The following EIF3L variants were observed in gnomAD, a reference collection of about 807,000 sequenced individuals.
EIF3L encodes eukaryotic translation initiation factor 3 subunit L.
Under a neutral mutation model 74.6 loss-of-function variants are expected in EIF3L, and 32 were observed. That is an observed-to-expected ratio of 0.43 (90% CI 0.32 to 0.58). The LOEUF (loss-of-function observed/expected upper bound fraction) is 0.58, where lower values mean the gene tolerates loss of function less well. Among genes scored for constraint, EIF3L ranks in the 20% least tolerant of loss-of-function variants. The pLI, the probability that EIF3L is intolerant of heterozygous loss-of-function variation, is 0.06. For missense variants in EIF3L, 474 were observed against 707.8 expected (o/e 0.67, Z 3.75); for synonymous variants, 256 against 254.4 (o/e 1.01, Z -0.06).
intron 11 of EIF3L, chr22:37,885,767 C>T (rs1286761857): frequency 6.6e-6 from 1 of 151,608 alleles, no homozygotes; most frequent in Non-Finnish European, 1.5e-5. Flanking sequence ...CTACGCCCAG[C>T]TAATTTTTAG....
chr22:37,858,127 G>C (rs1040064250), intron 4 of EIF3L, among the ~76,000 whole-genome samples: 3 of 150,874 alleles, frequency 2.0e-5, no homozygotes, highest in Admixed American at 6.6e-5. Flanking sequence ...AGTGAGCCAT[G>C]ATCATATCAC....
chr22:37,885,311 C>T (rs1190765345), intron 11 of EIF3L: 1 of 152,086 alleles, frequency 6.6e-6, no homozygotes, highest in Non-Finnish European at 1.5e-5. Context: ...TAATTACCAG[C>T]CTAGCTATTC....
rs1925936133 is a variant in EIF3L at position 37,862,917 on chromosome 22, AAC to A, written c.436-48_436-47del. ...AGCTGTCACAGTATACCATGGGTAA[AAC>A]ACATTAAAATTAAATATCTGTATCT... On this transcript the variant is annotated intron_variant, in intron 5 of 12. Coordinates refer to ENST00000652021, the MANE Select transcript of EIF3L (RefSeq NM_016091.4). 4 of 1,403,590 alleles carry A rather than the reference AAC, an allele frequency of 2.8e-6. No homozygotes were observed. In the South Asian group the frequency reaches 4.8e-5, roughly 17 times the overall value. 86.9% of individuals were successfully genotyped at this position (1,403,590 alleles called of 1,614,324 possible).
chr22:37,868,636 T>C (rs1212074553), intron 7 of EIF3L, among the ~76,000 whole-genome samples: 10 of 69,120 alleles, frequency 1.4e-4, no homozygotes, highest in African/African-American at 1.2e-3. Context: ...TTTTGGTGCT[T>C]TTTTTTTTTT....
intron 10 of EIF3L, chr22:37,876,224 G>A: frequency 2.0e-6 from 1 of 512,548 alleles, no homozygotes. Flanking sequence ...CAACCTCCTG[G>A]GATCAGGCGA....
intron 8 of EIF3L, 28 bp downstream of exon 8, chr22:37,870,375 C>G (rs752231052): frequency 3.8e-6 from 6 of 1,558,700 alleles, no homozygotes; most frequent in Non-Finnish European, 5.2e-6. Flanking sequence ...ACAGCCGTGG[C>G]CTGCGAATTT....
chr22:37,888,269 G>A lies in EIF3L; in HGVS notation c.1657-157G>A. On this transcript the variant is annotated intron_variant, in intron 12 of 12. Coordinates refer to ENST00000652021, the MANE Select transcript of EIF3L (RefSeq NM_016091.4). ...GTGAACTGTGCAGGGCCATATGAAT[G>A]TCACGGCTTTGCACACACATAGTGG... 3 of 688,194 alleles carry A rather than the reference G, an allele frequency of 4.4e-6. No homozygotes were observed. The South Asian group carries it at 5.3e-5, about 12-fold the overall frequency. 42.6% of individuals were successfully genotyped at this position (688,194 alleles called of 1,614,324 possible). A position where few individuals can be genotyped will look rare whatever the true frequency, so the allele number is the denominator to read the frequency against.
intron 1 of EIF3L, 177 bp from the exon 2 acceptor site, chr22:37,849,838 A>G (rs184473898): frequency 1.2e-5 from 8 of 675,744 alleles, no homozygotes; most frequent in East Asian, 1.0e-4. Flanking sequence ...GTAATGTTGT[A>G]TTGTCATTGT....
At chr22:37,863,174 A>C in intron 6 of EIF3L, 98 bp from the exon 7 acceptor site, 2 of 1,203,838 alleles carry the variant, frequency 1.7e-6, no homozygotes, top group Non-Finnish European at 2.4e-6. Context: ...CTTGTGATTC[A>C]TGGTCCTTTT....
chr22:37,858,605 C>T, intron 4 of EIF3L, 74 bp from the exon 5 acceptor site: 1 of 1,348,230 alleles, frequency 7.4e-7, no homozygotes, highest in Non-Finnish European at 1.0e-6. Flanking sequence ...TTATTCCTCC[C>T]CACCAAAGAG....
chr22:37,876,142 G>A (rs935677220), intron 10 of EIF3L, 131 bp downstream of exon 10: 17 of 958,004 alleles, frequency 1.8e-5, no homozygotes, highest in African/African-American at 8.2e-5. Flanking sequence ...ACTGTAGAGC[G>A]CTCTGTGATT....
chr22:37,872,098 T>G lies in EIF3L; in HGVS notation c.751+1751T>G, dbSNP rs369797776. ...TTATTCGTCACTTCTGTAATTTGAA[T>G]GAGTTCCTTACATCCATGTGTGACT... On this transcript the variant is annotated intron_variant, in intron 8 of 12. Coordinates refer to ENST00000652021, the MANE Select transcript of EIF3L (RefSeq NM_016091.4). Among the ~76,000 whole-genome samples the G allele has an allele frequency of 1.2e-4, 18 of 152,054 alleles. No individual in the cohort carries two copies. In the East Asian group the frequency reaches 3.5e-3, roughly 29 times the overall value.
intron 10 of EIF3L, chr22:37,876,284 A>C (rs937715098): frequency 4.8e-5 from 15 of 315,524 alleles, no homozygotes; most frequent in Non-Finnish European, 8.0e-5. Flanking sequence ...CGCACACAAC[A>C]ACACCGGCTA....
At chr22:37,849,552 C>T (rs1925043813) in intron 1 of EIF3L, 70 bp downstream of exon 1, 7 of 1,497,638 alleles carry the variant, frequency 4.7e-6, no homozygotes, top group Middle Eastern at 1.9e-4. Context: ...ATGTGGGTCC[C>T]GGCGCGAGGC....
chr22:37,869,741 G>A (rs989253523), intron 7 of EIF3L, among the ~76,000 whole-genome samples: 7 of 152,116 alleles, frequency 4.6e-5, no homozygotes, highest in Admixed American at 2.0e-4. Flanking sequence ...AGGCTCACAC[G>A]TGCAGATACC....
At chr22:37,866,142 T>G (rs998441801) in intron 7 of EIF3L, among the ~76,000 whole-genome samples, 1 of 152,234 alleles carries the variant, frequency 6.6e-6, no homozygotes, top group Non-Finnish European at 1.5e-5. Context: ...ACCTTGTTGA[T>G]GTTTCTCAGG....
chr22:37,866,171 T>C (rs1225396824), intron 7 of EIF3L, among the ~76,000 whole-genome samples: 1 of 152,230 alleles, frequency 6.6e-6, no homozygotes, highest in African/African-American at 2.4e-5. Flanking sequence ...TAAACATGAC[T>C]GTATAAAGAG....
At chr22:37,849,508 G>T (rs1230416836) in intron 1 of EIF3L, 26 bp downstream of exon 1, 2 of 1,578,018 alleles carry the variant, frequency 1.3e-6, no homozygotes, top group Non-Finnish European at 8.7e-7. Flanking sequence ...GGGCGCGGTG[G>T]GCTCCACGAC....
At chr22:37,850,978 C>G (rs181751586) in intron 2 of EIF3L, among the ~76,000 whole-genome samples, 1 of 152,208 alleles carries the variant, frequency 6.6e-6, no homozygotes, top group Non-Finnish European at 1.5e-5. Context: ...TCCCCTCCAA[C>G]GCACACTTTT....
Sources: gnomAD v4.1 joint callset for allele counts (sites outside exome capture counted in the v4.1 genomes callset) on GRCh38, gnomAD v4.1.1 for gene constraint, MANE v1.5 for transcripts, NCBI Gene and HGNC (gene_info 2026-07-23, HGNC 2026-07-21) for gene names.